SMYD3: variants seen among roughly 807,000 people sequenced by gnomAD.
SMYD3 encodes SET and MYND domain containing 3.
In SMYD3, 36 loss-of-function variants were observed where a neutral mutation model predicts 57.7. That is an observed-to-expected ratio of 0.62 (90% CI 0.48 to 0.82). The LOEUF (loss-of-function observed/expected upper bound fraction) is 0.82, where lower values mean the gene tolerates loss of function less well. Among genes scored for constraint, SMYD3 ranks in the 40% least tolerant of loss-of-function variants. The probability of loss-of-function intolerance (pLI) is 0.00; values close to 1 mark genes in which losing one functional copy is unlikely to be tolerated. For synonymous variants in SMYD3, 211 were observed against 195.0 expected, an observed-to-expected ratio of 1.08 and a Z score of -0.68; for missense variants, 515 against 538.8, an observed-to-expected ratio of 0.96 and a Z score of 0.44.
intron 5 of SMYD3, among the ~76,000 whole-genome samples, chr1:246,259,643 T>C (rs909765280): frequency 6.6e-6 from 1 of 152,212 alleles, no homozygotes; most frequent in Non-Finnish European, 1.5e-5. Context: ...TGATCCTTGT[T>C]TACTGGCAGA....
chr1:246,447,944 T>C (rs2067572727), intron 1 of SMYD3, among the ~76,000 whole-genome samples: 1 of 152,264 alleles, frequency 6.6e-6, no homozygotes, highest in African/African-American at 2.4e-5. Context: ...CCACGTCTGC[T>C]TCCTCTCTAC....
intron 5 of SMYD3, among the ~76,000 whole-genome samples, chr1:246,268,814 A>G (rs1381367008): frequency 6.6e-6 from 1 of 152,152 alleles, no homozygotes; most frequent in Non-Finnish European, 1.5e-5. Flanking sequence ...TTATTCCTTT[A>G]CTTTCTTAAT....
At chr1:245,753,047 C>T (rs2045459450) in intron 11 of SMYD3, among the ~76,000 whole-genome samples, 2 of 152,174 alleles carry the variant, frequency 1.3e-5, no homozygotes, top group African/African-American at 2.4e-5. Flanking sequence ...AGGTGCCTTC[C>T]TTGTCAAGAT....
At chr1:246,182,610 A>G (rs934308016) in intron 5 of SMYD3, among the ~76,000 whole-genome samples, 1 of 152,200 alleles carries the variant, frequency 6.6e-6, no homozygotes, top group Non-Finnish European at 1.5e-5. Flanking sequence ...CTTATCCAAG[A>G]GATCCATTTC....
At chr1:246,501,857 T>G (rs1017531216) in intron 1 of SMYD3, among the ~76,000 whole-genome samples, 2 of 152,208 alleles carry the variant, frequency 1.3e-5, no homozygotes, top group African/African-American at 4.8e-5. Flanking sequence ...CACGAGGCAA[T>G]TTATGCTTCT....
At chr1:245,797,724 G>T (rs1003582449) in intron 10 of SMYD3, among the ~76,000 whole-genome samples, 1 of 148,344 alleles carries the variant, frequency 6.7e-6, no homozygotes, top group Non-Finnish European at 1.5e-5. Flanking sequence ...AAAAGAAAAA[G>T]AAACGGCCAA....
chr1:246,075,752 TAAAG>T (rs1384314602), intron 5 of SMYD3, among the ~76,000 whole-genome samples: 1 of 152,056 alleles, frequency 6.6e-6, no homozygotes, highest in African/African-American at 2.4e-5. Flanking sequence ...TATGGCTACT[TAAAG>T]AAGTAAAATG....
At chr1:246,350,076 A>G (rs1314624363) in intron 2 of SMYD3, among the ~76,000 whole-genome samples, 2 of 152,224 alleles carry the variant, frequency 1.3e-5, no homozygotes, top group Non-Finnish European at 2.9e-5. Flanking sequence ...ATGGAGAAAG[A>G]TATACCGTGC....
chr1:245,890,124 A>C (rs143476250), intron 8 of SMYD3, among the ~76,000 whole-genome samples: 1 of 152,170 alleles, frequency 6.6e-6, no homozygotes, highest in Non-Finnish European at 1.5e-5. Context: ...AAACTACGAA[A>C]CTACTAAAAG....
Position 245,928,024 on chromosome 1 carries a change from CA to C in SMYD3, c.608del (p.Leu203CysfsTer41). On this transcript the variant is annotated frameshift_variant, in exon 7 of 12. Transcript: ENST00000490107. LOFTEE classifies it high-confidence loss of function. The stretch of plus-strand genomic sequence containing the variant: ...AGTTGGGGTCACAGCTGTGATTGAG[CA>C]AAGAGATACTGGAAAAAAAAAGGGG... Reference protein sequence around the residue: ...VGVGLYPSISLLNHSCDPNCS... With the variant: ...VGVGLYPSISXLNHSCDPNCS... The C allele has an allele frequency of 6.2e-7, 1 of 1,610,340 alleles. No individual in the cohort carries two copies. The highest frequency in any genetic ancestry group is 8.5e-7 in the Non-Finnish European group (1 of 1,177,848).
intron 5 of SMYD3, among the ~76,000 whole-genome samples, chr1:246,119,413 CTTTTTTTTTTTTT>C (rs111657622): frequency 7.7e-6 from 1 of 130,214 alleles, no homozygotes; most frequent in Admixed American, 7.6e-5. Flanking sequence ...TTTGTTCTTT[CTTTTTTTTTTTTT>C]TTTTGAGATG....
At chr1:246,284,638 G>A (rs557951546) in intron 5 of SMYD3, among the ~76,000 whole-genome samples, 5 of 152,004 alleles carry the variant, frequency 3.3e-5, no homozygotes, top group East Asian at 1.9e-4. Context: ...AGATGGTCTC[G>A]ATCTCCTGAC....
At chr1:245,885,050 C>G (rs1223911388) in intron 8 of SMYD3, among the ~76,000 whole-genome samples, 1 of 152,054 alleles carries the variant, frequency 6.6e-6, no homozygotes, top group East Asian at 1.9e-4. Context: ...GGCTTCACTC[C>G]TGAAGTCAGC....
At chr1:245,986,895 T>C (rs373977226) in intron 5 of SMYD3, among the ~76,000 whole-genome samples, 1 of 152,248 alleles carries the variant, frequency 6.6e-6, no homozygotes, top group African/African-American at 2.4e-5. Flanking sequence ...AACATGTATT[T>C]GAAAATCCAG....
chr1:246,439,072 T>C (rs2067424749), intron 1 of SMYD3, among the ~76,000 whole-genome samples: 1 of 144,126 alleles, frequency 6.9e-6, no homozygotes, highest in Admixed American at 6.9e-5. Flanking sequence ...ATTGGTTTTA[T>C]TTGTACTATT....
At chr1:246,385,166 T>G (rs1050067982) in intron 1 of SMYD3, among the ~76,000 whole-genome samples, 13 of 152,234 alleles carry the variant, frequency 8.5e-5, no homozygotes, top group Non-Finnish European at 1.5e-4. Context: ...TCTTTCAAAC[T>G]GAATTTAATT....
At chr1:246,493,858 A>G (rs1304133516) in intron 1 of SMYD3, among the ~76,000 whole-genome samples, 2 of 125,962 alleles carry the variant, frequency 1.6e-5, no homozygotes, top group African/African-American at 5.1e-5. Flanking sequence ...CTATTCCAAT[A>G]GTTCTAGCTC....
At chr1:245,963,743 C>G (rs1049532871) in intron 5 of SMYD3, among the ~76,000 whole-genome samples, 1 of 152,150 alleles carries the variant, frequency 6.6e-6, no homozygotes, top group African/African-American at 2.4e-5. Flanking sequence ...TAACCAGACC[C>G]TAACTTGCTG....
At chr1:245,936,680 A>G (rs2056994714) in intron 5 of SMYD3, among the ~76,000 whole-genome samples, 1 of 152,204 alleles carries the variant, frequency 6.6e-6, no homozygotes, top group African/African-American at 2.4e-5. Flanking sequence ...GGATCGATTG[A>G]GCCCAGAAGT....
Sources: gnomAD v4.1 joint callset for allele counts (sites outside exome capture counted in the v4.1 genomes callset) on GRCh38, gnomAD v4.1.1 for gene constraint, MANE v1.5 for transcripts, NCBI Gene and HGNC (gene_info 2026-07-23, HGNC 2026-07-21) for gene names.